The following EHMT1 variants were observed in gnomAD, a reference collection of about 807,000 sequenced individuals.
EHMT1 encodes euchromatic histone lysine methyltransferase 1.
In EHMT1, 15 loss-of-function variants were observed where a neutral mutation model predicts 147.2. That is an observed-to-expected ratio of 0.10 (90% CI 0.07 to 0.16). The LOEUF (loss-of-function observed/expected upper bound fraction) is 0.16, where lower values mean the gene tolerates loss of function less well. EHMT1 is among the 10% of genes least tolerant of loss of function. The pLI is 1.00. For synonymous variants in EHMT1, 795 were observed against 709.6 expected (o/e 1.12, Z -1.91); for missense variants, 1,587 against 1,772.4 (o/e 0.90, Z 1.88).
chr9:137,686,970 C>T (rs187900455), intron 1 of EHMT1, among the ~76,000 whole-genome samples: 2 of 152,160 alleles, frequency 1.3e-5, no homozygotes, highest in African/African-American at 4.8e-5. Context: ...GCCTCATGAT[C>T]CACCCGCCTC....
rs537936381 is a variant in EHMT1 at position 137,716,570 on chromosome 9, G to T, written c.86-56G>T. 1.9e-4 allele frequency: 281 copies of T among 1,492,246 alleles called. 3 individuals are homozygous for T. The African/African-American group carries it at 3.7e-3, about 19-fold the overall frequency. The allele number at this position is 1,492,246 out of a possible 1,614,324, so 92.4% of individuals were successfully genotyped here. A position where few individuals can be genotyped will look rare whatever the true frequency, so the allele number is the denominator to read the frequency against. ...GGTGGGGGAGGAAGTGGTGGTGGTGGTGGTGCCATGGAGAGCGTGGCCTGC... is the reference window on the plus strand; with the variant it reads ...GGTGGGGGAGGAAGTGGTGGTGGTGTTGGTGCCATGGAGAGCGTGGCCTGC... On this transcript the variant is annotated intron_variant, in intron 2 of 26. Coordinates refer to ENST00000460843, the MANE Select transcript of EHMT1 (RefSeq NM_024757.5).
intron 18 of EHMT1, among the ~76,000 whole-genome samples, chr9:137,805,890 T>A (rs1419039623): frequency 2.0e-5 from 3 of 151,098 alleles, no homozygotes; most frequent in Non-Finnish European, 4.4e-5. Flanking sequence ...CTCAAACTCC[T>A]GACCTCGTGA....
intron 1 of EHMT1, among the ~76,000 whole-genome samples, chr9:137,688,334 C>T (rs188408042): frequency 3.3e-5 from 5 of 152,228 alleles, no homozygotes; most frequent in South Asian, 2.1e-4. Flanking sequence ...TGGAACTGTT[C>T]TTGAAATTTC....
intron 1 of EHMT1, among the ~76,000 whole-genome samples, chr9:137,647,828 C>T (rs985190525): frequency 2.0e-5 from 3 of 152,078 alleles, no homozygotes; most frequent in African/African-American, 7.2e-5. Flanking sequence ...AACTCCTGAG[C>T]TCAGGCAATC....
At chr9:137,803,110 C>T in intron 18 of EHMT1, 1 of 1,229,434 alleles carries the variant, frequency 8.1e-7, no homozygotes, top group Non-Finnish European at 1.0e-6. Context: ...TGCAGCCTGT[C>T]CAGGTGTCAG....
chr9:137,782,230 G>T lies in EHMT1; in HGVS notation c.2276-61G>T. 1 of 1,473,062 alleles carries T rather than the reference G, an allele frequency of 6.8e-7. No individual in the cohort carries two copies. Among genetic ancestry groups the T allele is most frequent in the Non-Finnish European group, 9.4e-7 (1 of 1,068,718 alleles). The allele number at this position is 1,473,062 out of a possible 1,614,324, so 91.2% of individuals were successfully genotyped here. On this transcript the variant is annotated intron_variant, in intron 14 of 26. Coordinates refer to ENST00000460843, the MANE Select transcript of EHMT1 (RefSeq NM_024757.5). The surrounding 1 kb of genome is among the most constrained non-coding windows in gnomAD (Gnocchi z 5.7). ...TGAGTGCTTGCCAGCCATCGTGACAGTCCTGAGCTGGAGTCTGTGGCTACA... is the reference window on the plus strand; with the variant it reads ...TGAGTGCTTGCCAGCCATCGTGACATTCCTGAGCTGGAGTCTGTGGCTACA...
At position 137,743,548 on chromosome 9, in the gene EHMT1, G is replaced by T; in HGVS notation, c.981+20G>T. The T allele has an allele frequency of 6.2e-7, 1 of 1,613,962 alleles. No homozygotes were observed. Reference sequence around the variant, plus strand: ...TCCAAGGTAAGAGACGCATTTGAGTGAGTTGCCACGTGTGCGTGGAAATGC... The same window carrying T: ...TCCAAGGTAAGAGACGCATTTGAGTTAGTTGCCACGTGTGCGTGGAAATGC... On this transcript the variant is annotated intron_variant, in intron 5 of 26. Transcript: ENST00000460843.
chr9:137,811,724 C>G (rs1954501702), intron 19 of EHMT1, 109 bp downstream of exon 19: 2 of 1,420,576 alleles, frequency 1.4e-6, no homozygotes, highest in Non-Finnish European at 1.9e-6. Flanking sequence ...TGGACACAGG[C>G]CCTCTGTTCC....
intron 1 of EHMT1, among the ~76,000 whole-genome samples, chr9:137,691,439 A>G (rs1352662307): frequency 2.6e-5 from 4 of 151,590 alleles, no homozygotes; most frequent in East Asian, 1.9e-4. Context: ...CAGCCTCCCA[A>G]AGTGCTGAGA....
In EHMT1 at chr9:137,708,300, T is replaced by C. The variant is rs558450766; in HGVS notation, c.22-2667T>C. ...AATCTGGTCTCCCATAGACATGTGG[T>C]TGGCAAGGGGGAAGTATTTTGATAT... On this transcript the variant is annotated intron_variant, in intron 1 of 26. Coordinates refer to ENST00000460843, the MANE Select transcript of EHMT1 (RefSeq NM_024757.5). 1.2e-4 allele frequency among the ~76,000 whole-genome samples: 18 copies of C among 152,340 alleles called. No homozygotes were observed. The East Asian group carries it at 3.3e-3, about 28-fold the overall frequency.
Position 137,776,352 on chromosome 9 carries a change from T to A in EHMT1, c.1792-266T>A, listed in dbSNP as rs1234757743. Among the ~76,000 whole-genome samples the A allele has an allele frequency of 2.6e-5, 4 of 152,102 alleles. No individual in the cohort carries two copies. The highest frequency in any genetic ancestry group is 5.9e-5 in the Non-Finnish European group (4 of 68,008). On this transcript the variant is annotated intron_variant, in intron 11 of 26. Transcript: ENST00000460843. This position sits in a 1 kb window ranked among gnomAD's most constrained non-coding sequence, Gnocchi z 4.4. ...TTAGGCCTTCTCTTTGCGGGCAGCC[T>A]CAGCTTTCCTGGGCCTAGGTGGGTT... is the stretch of plus-strand genomic sequence containing the variant.
chr9:137,778,044 C>G lies in EHMT1; in HGVS notation c.2181C>G (p.Leu727=), dbSNP rs377163037. Residue 727 remains leucine (L), a synonymous_variant, in exon 13 of 27, where the codon CTC becomes CTG. Transcript: ENST00000460843. ...CCTTGGAGAGCGCTCTCATCGCCCTCGACTCGGAAAAGTAAGACCTGACAT... is the reference window on the plus strand; with the variant it reads ...CCTTGGAGAGCGCTCTCATCGCCCTGGACTCGGAAAAGTAAGACCTGACAT... ...KETLESALIA[L]DSEKPKKLRF... 6.2e-7 allele frequency: 1 copy of G among 1,613,800 alleles called. No homozygotes were observed. Among genetic ancestry groups the G allele is most frequent in the Non-Finnish European group, 8.5e-7 (1 of 1,180,012 alleles).
intron 6 of EHMT1, chr9:137,745,755 C>T (rs1461629684): frequency 2.6e-6 from 1 of 388,458 alleles, no homozygotes. Context: ...GCTGAGTATG[C>T]CGGAGGCTCA....
At chr9:137,646,209 C>A in intron 1 of EHMT1, 1 of 320,298 alleles carries the variant, frequency 3.1e-6, no homozygotes, top group Non-Finnish European at 4.5e-6. Context: ...ATCCGCCTGC[C>A]TCGGCCTCCC....
At chr9:137,770,735 G>T (rs899724201) in intron 10 of EHMT1, among the ~76,000 whole-genome samples, 3 of 152,190 alleles carry the variant, frequency 2.0e-5, no homozygotes, top group Non-Finnish European at 2.9e-5. Flanking sequence ...GAGGCTTCTG[G>T]TCTCCACCTT....
intron 16 of EHMT1, among the ~76,000 whole-genome samples, chr9:137,795,464 T>C (rs947618273): frequency 9.2e-5 from 11 of 119,522 alleles, no homozygotes; most frequent in Non-Finnish European, 1.5e-4. Flanking sequence ...CACACACACA[T>C]AAACACATTC....
At chr9:137,763,165 G>A (rs1588583302) in intron 10 of EHMT1, 1 of 483,160 alleles carries the variant, frequency 2.1e-6, no homozygotes, top group East Asian at 3.7e-5. Flanking sequence ...ACCAAGGTGA[G>A]TCCAGAACTG....
intron 1 of EHMT1, among the ~76,000 whole-genome samples, chr9:137,661,525 T>G (rs1333545260): frequency 4.0e-5 from 6 of 150,982 alleles, no homozygotes; most frequent in Non-Finnish European, 7.4e-5. Flanking sequence ...CTTGCTCTGT[T>G]GACAGGCTGG....
chr9:137,631,280 T>C (rs1843613057), intron 1 of EHMT1, among the ~76,000 whole-genome samples: 1 of 151,898 alleles, frequency 6.6e-6, no homozygotes, highest in Non-Finnish European at 1.5e-5. Flanking sequence ...TAATCCCAGC[T>C]ACTCGGGAGG....
Sources: allele counts gnomAD v4.1 joint callset (sites outside exome capture counted in the v4.1 genomes callset), GRCh38; gene constraint gnomAD v4.1.1; non-coding constraint Gnocchi (gnomAD v3.1); transcripts MANE v1.5; gene names NCBI Gene and HGNC (gene_info 2026-07-23, HGNC 2026-07-21).